The following PLEKHH1 variants were observed in gnomAD, a reference collection of about 807,000 sequenced individuals.
PLEKHH1 encodes the protein pleckstrin homology domain-containing family H member 1.
In PLEKHH1, 104 loss-of-function variants were observed where a neutral mutation model predicts 160.0. That is an observed-to-expected ratio of 0.65 (90% CI 0.55 to 0.76). The LOEUF is 0.76. PLEKHH1 is among the 30% of genes least tolerant of loss of function. PLEKHH1 has a pLI of 0.00. For synonymous variants in PLEKHH1, 619 were observed against 678.4 expected, an observed-to-expected ratio of 0.91 and a Z score of 1.36; for missense variants, 1,427 against 1,724.1, an observed-to-expected ratio of 0.83 and a Z score of 3.05.
Position 67,589,318 on chromosome 14 carries a change from T to C in PLEKHH1, c.*2083T>C, listed in dbSNP as rs555828495. 3.1e-6 allele frequency: 3 copies of C among 975,816 alleles called. No homozygotes were observed. Among genetic ancestry groups the C allele is most frequent in the Non-Finnish European group, 3.7e-6 (3 of 821,296 alleles). 60.4% of individuals were successfully genotyped at this position (975,816 alleles called of 1,614,324 possible). A position where few individuals can be genotyped will look rare whatever the true frequency, so the allele number is the denominator to read the frequency against. On this transcript the variant is annotated 3_prime_UTR_variant, in exon 29 of 29. Coordinates refer to ENST00000329153, the MANE Select transcript of PLEKHH1 (RefSeq NM_020715.3). Reference sequence around the variant, plus strand: ...TAACTTAGAAACAAAGGATTCAATATTTGCTTATTTATTCTTTGTTAACAT... The same window carrying C: ...TAACTTAGAAACAAAGGATTCAATACTTGCTTATTTATTCTTTGTTAACAT...
chr14:67,544,646 A>G (rs1249517136), intron 2 of PLEKHH1, among the ~76,000 whole-genome samples: 1 of 152,248 alleles, frequency 6.6e-6, no homozygotes, highest in African/African-American at 2.4e-5. Flanking sequence ...AGCATAAGAC[A>G]AGAACAAGAC....
Position 67,555,895 on chromosome 14 carries a change from G to A in PLEKHH1, c.189+8G>A. 1 of 1,613,236 alleles carries A rather than the reference G, an allele frequency of 6.2e-7. No homozygotes were observed. ...GAGAACGCTGAGACCCAGGTAACCA[G>A]GGGAGGGGATCGGCGGGAATATGCA... On this transcript the variant is annotated splice_region_variant and intron_variant, in intron 3 of 28. Coordinates refer to ENST00000329153, the MANE Select transcript of PLEKHH1 (RefSeq NM_020715.3).
chr14:67,563,061 T>G (rs1211447055), intron 7 of PLEKHH1, among the ~76,000 whole-genome samples, 167 bp downstream of exon 7: 1 of 152,176 alleles, frequency 6.6e-6, no homozygotes, highest in East Asian at 1.9e-4. Context: ...CCAGTGAGGG[T>G]CAGCGCCAGA....
At chr14:67,566,076 G>A (rs144230804) in intron 7 of PLEKHH1, among the ~76,000 whole-genome samples, 20 of 152,324 alleles carry the variant, frequency 1.3e-4, no homozygotes, top group African/African-American at 3.8e-4. Context: ...CTGAGATTGC[G>A]CCACTGCACT....
In PLEKHH1 at chr14:67,555,873, A is replaced by G; in HGVS notation, c.175A>G (p.Asn59Asp). 8 of 1,613,644 alleles carry G rather than the reference A, an allele frequency of 5.0e-6. No homozygotes were observed. The highest frequency in any genetic ancestry group is 6.8e-6 in the Non-Finnish European group (8 of 1,179,736). ...GCTGGAGGCAGAGCAGAGAGCAGAGAACGCTGAGACCCAGGTAACCAGGGG... is the reference window on the plus strand; with the variant it reads ...GCTGGAGGCAGAGCAGAGAGCAGAGGACGCTGAGACCCAGGTAACCAGGGG... The part of the protein sequence containing the change: ...RLLEAEQRAE[N>D]AETQVGVMEE... Residue 59 changes from asparagine (N) to aspartate (D), a missense_variant, in exon 3 of 29, where the codon AAC becomes GAC. Physicochemically the swap from Asn to Asp is conservative, Grantham distance 23 (BLOSUM62 1). Around this residue, in one of 6 missense-constraint regions of PLEKHH1, gnomAD observed 831 missense variants for 929.2 expected, o/e 0.89. Transcript: ENST00000329153.
At chr14:67,565,798 G>A (rs532640483) in intron 7 of PLEKHH1, among the ~76,000 whole-genome samples, 2 of 152,226 alleles carry the variant, frequency 1.3e-5, no homozygotes, top group South Asian at 4.1e-4. Context: ...TGTATTTCCA[G>A]CAGTAACTCC....
rs147064601 is a variant in PLEKHH1, at chr14:67,584,047, C to G, written c.3622C>G (p.Pro1208Ala). The G allele has an allele frequency of 1.1e-4, 170 of 1,613,976 alleles. No homozygotes were observed. In the African/African-American group the frequency reaches 2.0e-3, roughly 19 times the overall value. Residue 1208 changes from proline (P) to alanine (A), a missense_variant, in exon 26 of 29, where the codon CCT (proline) becomes GCT (alanine). By Grantham distance (27) the Pro-to-Ala change is conservative (BLOSUM62 -1). Coordinates refer to ENST00000329153, the MANE Select transcript of PLEKHH1 (RefSeq NM_020715.3). Reference protein sequence around the residue: ...TKWATLQGCSPPECIRIYLTV... With the variant: ...TKWATLQGCSAPECIRIYLTV... ...ATGGGCAACATTGCAAGGATGCTCC[C>G]CTCCTGAGTGCATCCGCATCTACCT...
rs1035940071 is a variant in PLEKHH1, at chr14:67,573,530, C to G, written c.1839+144C>G. Reference sequence around the variant, plus strand: ...GGTGGGGAGAGGCAACCTCACTGGGCCCCTGAGGCTTTGAGCCACACTTGG... The same window carrying G: ...GGTGGGGAGAGGCAACCTCACTGGGGCCCTGAGGCTTTGAGCCACACTTGG... On this transcript the variant is annotated intron_variant, in intron 12 of 28. Coordinates refer to ENST00000329153, the MANE Select transcript of PLEKHH1 (RefSeq NM_020715.3). This position sits in a 1 kb window ranked among gnomAD's most constrained non-coding sequence, Gnocchi z 4.8. The G allele has an allele frequency of 1.5e-6, 1 of 650,224 alleles. No homozygotes were observed. The allele number at this position is 650,224 out of a possible 1,614,324, so 40.3% of individuals were successfully genotyped here. A position where few individuals can be genotyped will look rare whatever the true frequency, so the allele number is the denominator to read the frequency against.
Position 67,576,170 on chromosome 14 carries a change from C to T in PLEKHH1, c.2352+165C>T, listed in dbSNP as rs945626358. The stretch of plus-strand genomic sequence containing the variant: ...ATATTCCTTTATACTGAATTTATTC[C>T]CAGTGACCAACATTGCTTCACTGAG... On this transcript the variant is annotated intron_variant, in intron 16 of 28. Transcript: ENST00000329153. This position sits in a 1 kb window ranked among gnomAD's most constrained non-coding sequence, Gnocchi z 4.0. Among the ~76,000 whole-genome samples the T allele has an allele frequency of 3.3e-5, 5 of 152,154 alleles. No homozygotes were observed. Among genetic ancestry groups the T allele is most frequent in the Admixed American group, 2.0e-4 (3 of 15,278 alleles).
intron 26 of PLEKHH1, chr14:67,585,350 G>C: frequency 1.9e-6 from 1 of 538,844 alleles, no homozygotes; most frequent in Non-Finnish European, 3.3e-6. Context: ...GAGATGGTTA[G>C]TAGGTGGCCA....
intron 1 of PLEKHH1, among the ~76,000 whole-genome samples, chr14:67,537,044 A>C (rs1014181401): frequency 5.4e-5 from 8 of 148,196 alleles, no homozygotes; most frequent in African/African-American, 1.8e-4. Flanking sequence ...CATCTCAATA[A>C]TAATAATAAT....
rs1014255009 is a variant in PLEKHH1 at position 67,573,370 on chromosome 14, T to G, written c.1823T>G (p.Met608Arg). ...TTTGTCCTGAGACAGGGACAGATTATGTACTACAAGTCCCCGGTGAGAGTC... is the reference window on the plus strand; with the variant it reads ...TTTGTCCTGAGACAGGGACAGATTAGGTACTACAAGTCCCCGGTGAGAGTC... ...RWFVLRQGQI[M>R]YYKSPSDVIR... Residue 608 changes from methionine to arginine, a missense_variant, in exon 12 of 29, where the codon ATG becomes AGG. Met to Arg is a moderately conservative substitution (Grantham distance 91, BLOSUM62 -1). Coordinates refer to ENST00000329153, the MANE Select transcript of PLEKHH1 (RefSeq NM_020715.3). The surrounding 1 kb of genome is among the most constrained non-coding windows in gnomAD (Gnocchi z 4.8). 1.9e-6 allele frequency: 3 copies of G among 1,606,748 alleles called. No individual in the cohort carries two copies. Among genetic ancestry groups the G allele is most frequent in the African/African-American group, 2.7e-5 (2 of 74,804 alleles).
intron 1 of PLEKHH1, among the ~76,000 whole-genome samples, chr14:67,535,554 G>A (rs2140303659): frequency 6.6e-6 from 1 of 151,906 alleles, no homozygotes; most frequent in South Asian, 2.1e-4. Context: ...GCTAATTTTT[G>A]TATTTTTAGT....
chr14:67,534,017 A>C (rs1341055402), intron 1 of PLEKHH1, among the ~76,000 whole-genome samples: 3 of 152,010 alleles, frequency 2.0e-5, no homozygotes, highest in Non-Finnish European at 4.4e-5. Flanking sequence ...TTGCCAGGAT[A>C]TCTCCTCCAT....
At chr14:67,541,742 C>T in intron 1 of PLEKHH1, 92 bp from the exon 2 acceptor site, 1 of 837,772 alleles carries the variant, frequency 1.2e-6, no homozygotes, top group South Asian at 2.0e-5. Context: ...GCCCTGTTTT[C>T]TCTGTCCTTT....
intron 7 of PLEKHH1, among the ~76,000 whole-genome samples, chr14:67,563,731 C>CTT (rs71129835): frequency 1.2e-5 from 1 of 86,834 alleles, no homozygotes; most frequent in Admixed American, 1.2e-4. Context: ...CTGAGCCTGG[C>CTT]TTTTTTTTTT....
At chr14:67,542,495 G>C (rs1460493706) in intron 2 of PLEKHH1, among the ~76,000 whole-genome samples, 1 of 151,656 alleles carries the variant, frequency 6.6e-6, no homozygotes, top group Non-Finnish European at 1.5e-5. Flanking sequence ...TCACCTCTAA[G>C]GCAAAAAAAC....
intron 7 of PLEKHH1, among the ~76,000 whole-genome samples, chr14:67,568,001 C>T (rs1383253117): frequency 6.6e-6 from 1 of 152,194 alleles, no homozygotes. Context: ...CCAGGGGCCC[C>T]CTCAGGACGG....
chr14:67,546,795 C>T (rs1201854022), intron 2 of PLEKHH1, among the ~76,000 whole-genome samples: 2 of 152,156 alleles, frequency 1.3e-5, no homozygotes, highest in Non-Finnish European at 2.9e-5. Flanking sequence ...GAGCCAAGGA[C>T]TTTGAGGCTG....
Sources: allele counts gnomAD v4.1 joint callset (sites outside exome capture counted in the v4.1 genomes callset), GRCh38; gene constraint gnomAD v4.1.1; regional missense constraint gnomAD v4.1.1; non-coding constraint Gnocchi (gnomAD v3.1); transcripts MANE v1.5; gene names NCBI Gene and HGNC (gene_info 2026-07-23, HGNC 2026-07-21).